The following AGAP1 variants were observed in gnomAD, a reference collection of about 807,000 sequenced individuals.
AGAP1 encodes the protein arf-GAP with GTPase, ANK repeat and PH domain-containing protein 1.
AGAP1 carries 29 observed loss-of-function variants against 105.3 expected under a neutral mutation model. That is an observed-to-expected ratio of 0.28 (90% CI 0.21 to 0.38). AGAP1 has a LOEUF of 0.38. Ranked by LOEUF, AGAP1 falls within the 10% of genes least tolerant of loss-of-function variation. AGAP1 has a pLI of 1.00. For missense variants in AGAP1, 998 were observed against 1,165.1 expected (o/e 0.86, Z 2.09); for synonymous variants, 509 against 485.9 (o/e 1.05, Z -0.63).
At chr2:235,940,203 T>C (rs2053196503) in intron 12 of AGAP1, among the ~76,000 whole-genome samples, 1 of 152,138 alleles carries the variant, frequency 6.6e-6, no homozygotes, top group South Asian at 2.1e-4. Context: ...GAATACCAGC[T>C]GGGTTTGTCC....
intron 16 of AGAP1, among the ~76,000 whole-genome samples, chr2:236,088,665 A>C (rs979176233): frequency 1.3e-4 from 20 of 152,244 alleles, no homozygotes; most frequent in African/African-American, 4.3e-4. Flanking sequence ...GGGTTTAACT[A>C]CACTTTAATT....
chr2:235,592,134 G>T (rs527733423), intron 1 of AGAP1, among the ~76,000 whole-genome samples: 3 of 152,240 alleles, frequency 2.0e-5, no homozygotes, highest in African/African-American at 7.2e-5. Context: ...CCTGGACAGC[G>T]CCCTGTGGCC....
In AGAP1 at chr2:236,124,264, C is replaced by A; in HGVS notation, c.*142C>A. 1.0e-6 allele frequency: 1 copy of A among 953,066 alleles called. No homozygotes were observed. The allele number at this position is 953,066 out of a possible 1,614,324, so 59.0% of individuals were successfully genotyped here. The stretch of plus-strand genomic sequence containing the variant: ...CCTCCCTCCCGCCCACCCACTCTCA[C>A]CCCAAACAAAATCACAAAACCTGGA... On this transcript the variant is annotated 3_prime_UTR_variant, in exon 18 of 18. Transcript: ENST00000304032. The surrounding 1 kb of genome is among the most constrained non-coding windows in gnomAD (Gnocchi z 5.1).
chr2:235,925,735 C>T (rs1575796175), intron 11 of AGAP1, among the ~76,000 whole-genome samples: 2 of 152,202 alleles, frequency 1.3e-5, no homozygotes, highest in African/African-American at 2.4e-5. Flanking sequence ...GCCCTTCAGC[C>T]TGGTTGCTGG....
intron 1 of AGAP1, among the ~76,000 whole-genome samples, chr2:235,650,798 T>A (rs149223290): frequency 0.013 from 1,917 of 152,230 alleles, 16 homozygotes; most frequent in South Asian, 0.019. Flanking sequence ...TAAAGAAATG[T>A]CCTATAAAAA....
rs1036953865 is a variant in AGAP1 at position 236,105,855 on chromosome 2, C to G, written c.2115-14337C>G. On this transcript the variant is annotated intron_variant, in intron 16 of 17. Coordinates refer to ENST00000304032, the MANE Select transcript of AGAP1 (RefSeq NM_001037131.3). The surrounding 1 kb of genome is among the most constrained non-coding windows in gnomAD (Gnocchi z 4.2). ...CTCATGATCCACCCTCCTCGGCCTCCCAAAGTGCTGGGATTACAGGCGTGA... is the reference window on the plus strand; with the variant it reads ...CTCATGATCCACCCTCCTCGGCCTCGCAAAGTGCTGGGATTACAGGCGTGA... Among the ~76,000 whole-genome samples the G allele has an allele frequency of 2.2e-4, 33 of 152,260 alleles. No homozygotes were observed. Among genetic ancestry groups the G allele is most frequent in the African/African-American group, 6.3e-4 (26 of 41,562 alleles).
intron 1 of AGAP1, among the ~76,000 whole-genome samples, chr2:235,565,295 G>C (rs1228855138): frequency 6.6e-6 from 1 of 152,250 alleles, no homozygotes; most frequent in Non-Finnish European, 1.5e-5. Flanking sequence ...GAGCAGCCTG[G>C]CATTGGCCCC....
rs906545656 is a variant in AGAP1 at position 235,821,784 on chromosome 2, T to G, written c.1050+14453T>G. ...ATCTCAGGATCCAATCCAGGATCCC[T>G]CCTTTCACTTAATTGCTTTATTTAT... On this transcript the variant is annotated intron_variant, in intron 9 of 17. Transcript: ENST00000304032. Among the ~76,000 whole-genome samples, 7 of 152,328 alleles carry G rather than the reference T, an allele frequency of 4.6e-5. No individual in the cohort carries two copies. In the East Asian group the frequency reaches 1.4e-3, roughly 29 times the overall value.
chr2:235,943,305 A>G (rs565496466), intron 12 of AGAP1, among the ~76,000 whole-genome samples: 13 of 149,214 alleles, frequency 8.7e-5, no homozygotes, highest in Non-Finnish European at 1.6e-4. Flanking sequence ...TTCCTCCCTC[A>G]CTTCCTTTTG....
intron 1 of AGAP1, among the ~76,000 whole-genome samples, chr2:235,649,942 A>G (rs1394647471): frequency 6.6e-6 from 1 of 152,234 alleles, no homozygotes; most frequent in Non-Finnish European, 1.5e-5. Context: ...TGTCTGACTC[A>G]GGTTAATTGA....
chr2:235,709,653 A>T (rs918985341), intron 2 of AGAP1, among the ~76,000 whole-genome samples: 21 of 152,198 alleles, frequency 1.4e-4, no homozygotes, highest in Admixed American at 1.3e-3. Context: ...GGCTTCTGTC[A>T]TGAGTCACCA....
intron 1 of AGAP1, among the ~76,000 whole-genome samples, chr2:235,558,085 C>T (rs1417974386): frequency 2.0e-5 from 3 of 152,084 alleles, no homozygotes; most frequent in East Asian, 3.9e-4. Context: ...AGCGGGATGG[C>T]GAGTAGGAGG....
chr2:235,638,437 C>T (rs1472368927), intron 1 of AGAP1, among the ~76,000 whole-genome samples: 1 of 152,022 alleles, frequency 6.6e-6, no homozygotes, highest in Non-Finnish European at 1.5e-5. Flanking sequence ...GCAGTGTGCT[C>T]CAAGAACAAA....
At position 236,009,502 on chromosome 2, in the gene AGAP1, ATAAAT is replaced by A. The variant is rs1403226213; in HGVS notation, c.1646-27055_1646-27051del. Among the ~76,000 whole-genome samples, 1 of 152,204 alleles carries A rather than the reference ATAAAT, an allele frequency of 6.6e-6. No homozygotes were observed. The highest frequency in any genetic ancestry group is 2.4e-5 in the African/African-American group (1 of 41,440). ...ATTTATACTGATGGCGTCTTTTTAA[ATAAAT>A]TAATACATGTCTGATGTGGACAGAG... On this transcript the variant is annotated intron_variant, in intron 13 of 17. Transcript: ENST00000304032. The surrounding 1 kb of genome is among the most constrained non-coding windows in gnomAD (Gnocchi z 4.2).
In AGAP1 at chr2:235,659,220, A is replaced by G. The variant is rs1947870785; in HGVS notation, c.164-49959A>G. On this transcript the variant is annotated intron_variant, in intron 1 of 17. Transcript: ENST00000304032. This position sits in a 1 kb window ranked among gnomAD's most constrained non-coding sequence, Gnocchi z 5.0. ...ATCCAGCCCCACCCTTTACAGTGAG[A>G]TCCAGGGACCTTTTTAACCTGTGAC... 6.6e-6 allele frequency among the ~76,000 whole-genome samples: 1 copy of G among 152,164 alleles called. No homozygotes were observed. Among genetic ancestry groups the G allele is most frequent in the Non-Finnish European group, 1.5e-5 (1 of 68,028 alleles).
intron 13 of AGAP1, among the ~76,000 whole-genome samples, chr2:235,991,871 T>C (rs1223159742): frequency 1.3e-5 from 2 of 152,246 alleles, no homozygotes; most frequent in African/African-American, 4.8e-5. Flanking sequence ...GATTTTCTCT[T>C]GTAATGTCTT....
chr2:235,579,874 G>A (rs1029301209), intron 1 of AGAP1, among the ~76,000 whole-genome samples: 1 of 152,090 alleles, frequency 6.6e-6, no homozygotes, highest in Admixed American at 6.5e-5. Flanking sequence ...CCCCGCCCAG[G>A]GGAAACCCCA....
At chr2:236,024,981 A>T (rs1466580001) in intron 13 of AGAP1, among the ~76,000 whole-genome samples, 2 of 152,238 alleles carry the variant, frequency 1.3e-5, no homozygotes, top group East Asian at 3.8e-4. Context: ...TCACACTGGG[A>T]AACAGTACAC....
At chr2:235,686,666 T>TG (rs1222184438) in intron 1 of AGAP1, among the ~76,000 whole-genome samples, 1 of 60,486 alleles carries the variant, frequency 1.7e-5, no homozygotes, top group African/African-American at 1.1e-4. Context: ...TATATATATA[T>TG]TTTTTTTTTT....
Sources: gnomAD v4.1 joint callset for allele counts (sites outside exome capture counted in the v4.1 genomes callset) on GRCh38, gnomAD v4.1.1 for gene constraint, Gnocchi (gnomAD v3.1) non-coding constraint, MANE v1.5 for transcripts, NCBI Gene and HGNC (gene_info 2026-07-23, HGNC 2026-07-21) for gene names.